DLGAP1: variants seen among roughly 807,000 people sequenced by gnomAD.
The protein encoded by DLGAP1 is disks large-associated protein 1.
A neutral mutation model predicts 90.8 loss-of-function variants in DLGAP1; 11 were observed. That is an observed-to-expected ratio of 0.12 (90% CI 0.08 to 0.20). DLGAP1 has a LOEUF of 0.20. Ranked by LOEUF, DLGAP1 falls within the 10% of genes least tolerant of loss-of-function variation. DLGAP1 has a pLI of 1.00. For missense variants in DLGAP1, 1,050 were observed against 1,333.8 expected (o/e 0.79, Z 3.31); for synonymous variants, 558 against 540.7 (o/e 1.03, Z -0.44).
At chr18:3,743,621 T>A (rs575005365) in intron 5 of DLGAP1, among the ~76,000 whole-genome samples, 1 of 152,024 alleles carries the variant, frequency 6.6e-6, no homozygotes, top group Non-Finnish European at 1.5e-5. Flanking sequence ...CCCAAAGTGC[T>A]GTGATTACAG....
chr18:4,264,019 T>C (rs1338756158), intron 1 of DLGAP1, among the ~76,000 whole-genome samples: 2 of 152,232 alleles, frequency 1.3e-5, no homozygotes, highest in Non-Finnish European at 2.9e-5. Context: ...CCACAACTTC[T>C]CATAAATATA....
At chr18:3,561,436 CAAAAAAAAAA>C (rs68086553) in intron 9 of DLGAP1, among the ~76,000 whole-genome samples, 11,622 of 76,800 alleles carry the variant, frequency 0.15, 1,089 homozygotes, top group East Asian at 0.43. Context: ...ACTCCATCTC[CAAAAAAAAAA>C]AAAAAAAAAA....
intron 1 of DLGAP1, among the ~76,000 whole-genome samples, chr18:4,406,344 C>G (rs1170020962): frequency 3.3e-5 from 5 of 152,126 alleles, no homozygotes; most frequent in African/African-American, 1.2e-4. Flanking sequence ...TGGGGTTTTC[C>G]TTCTGATTTA....
chr18:4,137,751 T>C (rs2076429895), intron 2 of DLGAP1, among the ~76,000 whole-genome samples: 1 of 152,136 alleles, frequency 6.6e-6, no homozygotes, highest in Non-Finnish European at 1.5e-5. Context: ...GATTCTTCCA[T>C]CCTATGAACA....
At chr18:3,673,474 A>G (rs904416201) in intron 7 of DLGAP1, among the ~76,000 whole-genome samples, 1 of 152,246 alleles carries the variant, frequency 6.6e-6, no homozygotes, top group Non-Finnish European at 1.5e-5. Flanking sequence ...CTCATAGCAG[A>G]GAGCTATTCT....
chr18:3,677,418 G>A (rs1174132924), intron 7 of DLGAP1, among the ~76,000 whole-genome samples: 1 of 152,160 alleles, frequency 6.6e-6, no homozygotes, highest in African/African-American at 2.4e-5. Flanking sequence ...TCCAACAAGA[G>A]AATTCTCTGT....
intron 5 of DLGAP1, among the ~76,000 whole-genome samples, chr18:3,750,753 C>A (rs2063465659): frequency 6.6e-6 from 1 of 152,184 alleles, no homozygotes; most frequent in South Asian, 2.1e-4. Flanking sequence ...TCCTCGTTTG[C>A]TGTTTCCCCA....
At chr18:3,530,872 G>A (rs181597510) in intron 10 of DLGAP1, among the ~76,000 whole-genome samples, 15 of 152,282 alleles carry the variant, frequency 9.9e-5, no homozygotes, top group African/African-American at 2.9e-4. Context: ...ACAGAAACCC[G>A]TTAATGAATT....
chr18:3,857,016 CA>C (rs2069692269), intron 4 of DLGAP1, among the ~76,000 whole-genome samples: 1 of 151,962 alleles, frequency 6.6e-6, no homozygotes, highest in South Asian at 2.1e-4. Flanking sequence ...ATGCTACATC[CA>C]TAGAGGACTT....
intron 4 of DLGAP1, 52 bp from the exon 5 acceptor site, chr18:3,814,325 CTTTTCT>C (rs915180376): frequency 3.9e-6 from 5 of 1,271,620 alleles, no homozygotes; most frequent in East Asian, 2.5e-5. Flanking sequence ...CTACCTTTTT[CTTTTCT>C]TTTTCTTTTT....
intron 1 of DLGAP1, among the ~76,000 whole-genome samples, chr18:4,385,244 C>G (rs1243429197): frequency 6.6e-6 from 1 of 152,082 alleles, no homozygotes; most frequent in Non-Finnish European, 1.5e-5. Flanking sequence ...CCGATGATCT[C>G]AGGCAGCATA....
At chr18:4,333,262 C>T (rs935682492) in intron 1 of DLGAP1, among the ~76,000 whole-genome samples, 8 of 149,196 alleles carry the variant, frequency 5.4e-5, no homozygotes, top group South Asian at 2.1e-4. Context: ...GCCTCACTTA[C>T]AGGTTTACGG....
intron 4 of DLGAP1, among the ~76,000 whole-genome samples, chr18:3,857,559 G>A (rs137879131): frequency 6.6e-6 from 1 of 152,286 alleles, no homozygotes; most frequent in East Asian, 1.9e-4. Context: ...TTCCTTGTCT[G>A]ACTGGACCAC....
At chr18:4,044,749 A>G (rs1248474223) in intron 2 of DLGAP1, among the ~76,000 whole-genome samples, 1 of 152,128 alleles carries the variant, frequency 6.6e-6, no homozygotes, top group African/African-American at 2.4e-5. Context: ...ACCAAAAACA[A>G]AACAAAAAAC....
chr18:3,598,763 C>CAGCAAAGACTGT (rs2056739468), intron 7 of DLGAP1, among the ~76,000 whole-genome samples: 1 of 151,450 alleles, frequency 6.6e-6, no homozygotes, highest in Admixed American at 6.6e-5. Context: ...CCACCGCGCC[C>CAGCAAAGACTGT]GGTCCCCTCC....
intron 4 of DLGAP1, among the ~76,000 whole-genome samples, chr18:3,855,104 A>G (rs1477528223): frequency 6.6e-6 from 1 of 152,228 alleles, no homozygotes; most frequent in African/African-American, 2.4e-5. Context: ...AATACTACGC[A>G]GCCATAAAAA....
At chr18:4,281,437 T>C (rs563481595) in intron 1 of DLGAP1, among the ~76,000 whole-genome samples, 2 of 152,072 alleles carry the variant, frequency 1.3e-5, no homozygotes, top group East Asian at 3.9e-4. Context: ...GTCTGTAATC[T>C]CAGCTACTCG....
chr18:3,719,804 G>T (rs2147328594), intron 7 of DLGAP1, among the ~76,000 whole-genome samples: 2 of 152,240 alleles, frequency 1.3e-5, no homozygotes, highest in Middle Eastern at 3.4e-3. Context: ...AAGTATCATT[G>T]TGATTCTCTG....
intron 1 of DLGAP1, among the ~76,000 whole-genome samples, chr18:4,393,871 C>T (rs2082387088): frequency 6.6e-6 from 1 of 152,190 alleles, no homozygotes; most frequent in African/African-American, 2.4e-5. Context: ...GCATGTGCAG[C>T]TCACAACAGG....
Sources: allele counts gnomAD v4.1 joint callset (sites outside exome capture counted in the v4.1 genomes callset), GRCh38; gene constraint gnomAD v4.1.1; transcripts MANE v1.5; gene names NCBI Gene and HGNC (gene_info 2026-07-23, HGNC 2026-07-21).